Variants in CNBD2 observed in about 807,000 individuals in gnomAD.
The protein encoded by CNBD2 is cyclic nucleotide-binding domain-containing protein 2.
Under a neutral mutation model 63.7 loss-of-function variants are expected in CNBD2, and 64 were observed. The observed-to-expected ratio is 1.00, with a 90% CI of 0.82 to 1.24. The LOEUF is 1.24. Ranked by LOEUF, CNBD2 falls within the 50% of genes most tolerant of loss-of-function variation. The probability of loss-of-function intolerance (pLI) is 0.00; values close to 1 mark genes in which losing one functional copy is unlikely to be tolerated. For synonymous variants in CNBD2, 229 were observed against 255.4 expected (o/e 0.90, Z 0.99); for missense variants, 691 against 713.5 (o/e 0.97, Z 0.36).
chr20:36,002,515 A>G (rs2056928449), intron 8 of CNBD2, among the ~76,000 whole-genome samples: 1 of 152,024 alleles, frequency 6.6e-6, no homozygotes, highest in African/African-American at 2.4e-5. Flanking sequence ...GGTCTCAAAC[A>G]CCTGACCTCA....
chr20:36,014,352 CAG>C (rs1218962499), intron 10 of CNBD2, among the ~76,000 whole-genome samples: 2 of 144,316 alleles, frequency 1.4e-5, no homozygotes, highest in African/African-American at 5.1e-5. Flanking sequence ...TTTTTTTTGA[CAG>C]AGTCTTTCTC....
intron 10 of CNBD2, among the ~76,000 whole-genome samples, chr20:36,012,789 T>G (rs1187512468): frequency 1.6e-5 from 2 of 126,568 alleles, no homozygotes; most frequent in Non-Finnish European, 3.1e-5. Flanking sequence ...GCCATTGCAC[T>G]CCAGCCTGGG....
chr20:36,000,440 A>C (rs905099296), intron 8 of CNBD2, among the ~76,000 whole-genome samples: 1 of 152,172 alleles, frequency 6.6e-6, no homozygotes, highest in African/African-American at 2.4e-5. Context: ...GCAATAGTGT[A>C]ATCTCGGCTC....
chr20:35,976,737 C>T (rs905862620), intron 3 of CNBD2, among the ~76,000 whole-genome samples: 1 of 152,114 alleles, frequency 6.6e-6, no homozygotes, highest in Non-Finnish European at 1.5e-5. Flanking sequence ...ATATTAAAAT[C>T]CAATTTAAAA....
At chr20:36,005,976 AAAAC>A (rs2056978632) in intron 8 of CNBD2, among the ~76,000 whole-genome samples, 1 of 152,008 alleles carries the variant, frequency 6.6e-6, no homozygotes, top group Non-Finnish European at 1.5e-5. Flanking sequence ...AAAACAAAAC[AAAAC>A]AAACAAAAGA....
intron 4 of CNBD2, among the ~76,000 whole-genome samples, chr20:35,981,217 C>G (rs910472107): frequency 6.6e-5 from 10 of 152,160 alleles, no homozygotes; most frequent in African/African-American, 2.2e-4. Context: ...TGACTTTCAG[C>G]AAGCTGTGGG....
chr20:35,974,988 A>ATTTTTTTTAT (rs1369176645), intron 2 of CNBD2: 5 of 149,122 alleles, frequency 3.4e-5, no homozygotes, highest in Non-Finnish European at 5.9e-5. Context: ...TCTTTTTTTT[A>ATTTTTTTTAT]TTTTTTTTAT....
chr20:36,030,595 A>G lies in CNBD2; in HGVS notation c.1678A>G (p.Ile560Val). 2 of 1,614,142 alleles carry G rather than the reference A, an allele frequency of 1.2e-6. No individual in the cohort carries two copies. The highest frequency in any genetic ancestry group is 1.7e-6 in the Non-Finnish European group (2 of 1,180,024). Residue 560 changes from isoleucine (I) to valine (V), a missense_variant, in exon 12 of 12, where the codon ATT becomes GTT. By Grantham distance (29) the Ile-to-Val change is conservative. Coordinates refer to ENST00000373973, the MANE Select transcript of CNBD2 (RefSeq NM_001365709.1). ...APQKYLPPLR[I>V]VQAIKAPRYK... ...CCAGAAATACCTCCCCCCATTGAGG[A>G]TTGTCCAAGCCATCAAAGCACCTCG... is the stretch of plus-strand genomic sequence containing the variant.
downstream of CNBD2, among the ~76,000 whole-genome samples, chr20:35,957,126 G>C (rs6058377): frequency 1.2e-4 from 18 of 152,276 alleles, no homozygotes; most frequent in African/African-American, 4.1e-4. Context: ...TGAATTATTA[G>C]AGATAGGAGG....
At chr20:35,971,269 T>A (rs1486667587) in intron 1 of CNBD2, among the ~76,000 whole-genome samples, 1 of 151,938 alleles carries the variant, frequency 6.6e-6, no homozygotes, top group Non-Finnish European at 1.5e-5. Context: ...TTTGTATATG[T>A]GTTTGCTGAA....
Position 36,011,214 on chromosome 20 carries a change from G to A in CNBD2, c.1226G>A (p.Gly409Glu). 6.3e-7 allele frequency: 1 copy of A among 1,594,746 alleles called. No individual in the cohort carries two copies. The highest frequency in any genetic ancestry group is 8.5e-7 in the Non-Finnish European group (1 of 1,169,702). ...GAGCTCCCCAAGGAGGCTGCAGTGG[G>A]GGCCTACGTGAAGGTGCACACTGTG... is the stretch of plus-strand genomic sequence containing the variant. ...PGELPKEAAV[G>E]AYVKVHTVEQ... Residue 409 changes from glycine to glutamate, a missense_variant, in exon 10 of 12, where the codon GGG becomes GAG. Gly to Glu is a moderately conservative substitution (Grantham distance 98). Transcript: ENST00000373973.
At chr20:35,960,461 T>C (rs1272366478) in intron 2 of CNBD2, among the ~76,000 whole-genome samples, 3 of 152,222 alleles carry the variant, frequency 2.0e-5, no homozygotes, top group African/African-American at 7.2e-5. Context: ...TGCCTCAGCT[T>C]TGTGAGTAGC....
exon 1 of CNBD2, chr20:35,955,013 G>A (rs953658633): frequency 1.1e-5 from 2 of 177,282 alleles, no homozygotes; most frequent in Admixed American, 1.2e-4. Context: ...ACAACACACC[G>A]TCTGGCGCGA....
upstream of CNBD2, among the ~76,000 whole-genome samples, chr20:35,963,951 A>C (rs926565745): frequency 2.0e-5 from 3 of 152,192 alleles, no homozygotes; most frequent in African/African-American, 7.2e-5. Flanking sequence ...TTACAGAGCC[A>C]ATACCTCAAC....
chr20:35,966,441 C>T (rs368560371), upstream of CNBD2, among the ~76,000 whole-genome samples: 47 of 152,260 alleles, frequency 3.1e-4, no homozygotes, highest in African/African-American at 1.1e-3. Flanking sequence ...AATGGCAGAG[C>T]AGGTGATGCT....
intron 10 of CNBD2, among the ~76,000 whole-genome samples, chr20:36,016,207 C>T (rs962565681): frequency 3.3e-5 from 5 of 152,120 alleles, no homozygotes; most frequent in Non-Finnish European, 7.4e-5. Context: ...CTGCCAAGGT[C>T]ATCAAAAATG....
rs1201537623 is a variant in CNBD2 at position 36,008,450 on chromosome 20, C to T, written c.1124C>T (p.Pro375Leu). 1.9e-6 allele frequency: 3 copies of T among 1,612,050 alleles called. No individual in the cohort carries two copies. In the Admixed American group the frequency reaches 5.1e-5, roughly 27 times the overall value. ...ATCAGAACCTCAGGAGACACTCTCC[C>T]CAAGATGCTGGGCCCGAAGATCCAG... ...RKIRTSGDTLPKMLGPKIQSR... is the reference protein window; with the variant it reads ...RKIRTSGDTLLKMLGPKIQSR... Residue 375 changes from proline to leucine, a missense_variant, in exon 9 of 12, where the codon CCC becomes CTC. Pro to Leu is a moderately conservative substitution (Grantham distance 98). Transcript: ENST00000373973.
rs375243776 is a variant in CNBD2 at position 35,976,032 on chromosome 20, G to A, written c.243+30G>A. 9 of 1,588,284 alleles carry A rather than the reference G, an allele frequency of 5.7e-6. No homozygotes were observed. In the African/African-American group the frequency reaches 1.1e-4, roughly 19 times the overall value. ...GCATAGCTCGAAACTTGCTGTGGGG[G>A]AATTTTCTTTCTGCACCCTGGCTTG... On this transcript the variant is annotated intron_variant, in intron 3 of 11. Transcript: ENST00000373973.
At chr20:35,959,911 T>C (rs1404259973), downstream of CNBD2, among the ~76,000 whole-genome samples, 1 of 152,258 alleles carries the variant, frequency 6.6e-6, no homozygotes, top group Non-Finnish European at 1.5e-5. Context: ...GGATGCACTG[T>C]AAAGAATATT....
Sources: gnomAD v4.1 joint callset for allele counts (sites outside exome capture counted in the v4.1 genomes callset) on GRCh38, gnomAD v4.1.1 for gene constraint, MANE v1.5 for transcripts, NCBI Gene and HGNC (gene_info 2026-07-23, HGNC 2026-07-21) for gene names.